The following TCF7L2 variants were observed in gnomAD, a reference collection of about 807,000 sequenced individuals.
The protein encoded by TCF7L2 is transcription factor 7-like 2.
TCF7L2 carries 23 observed loss-of-function variants against 77.9 expected under a neutral mutation model. The observed-to-expected ratio is 0.30, with a 90% CI of 0.21 to 0.42. The LOEUF is 0.42. Ranked by LOEUF, TCF7L2 falls within the 10% of genes least tolerant of loss-of-function variation. The pLI is 1.00. For synonymous variants in TCF7L2, 413 were observed against 340.2 expected (o/e 1.21, Z -2.36); for missense variants, 654 against 793.1 (o/e 0.82, Z 2.11).
chr10:112,963,475 AT>A (rs1448531350), intron 3 of TCF7L2, among the ~76,000 whole-genome samples: 7 of 152,222 alleles, frequency 4.6e-5, no homozygotes, highest in Non-Finnish European at 4.4e-5. Context: ...CTACAGATCC[AT>A]TTTTGGAAAT....
intron 3 of TCF7L2, among the ~76,000 whole-genome samples, chr10:112,963,943 G>A (rs757231310): frequency 1.3e-5 from 2 of 152,178 alleles, no homozygotes; most frequent in African/African-American, 2.4e-5. Context: ...GATTACTAGA[G>A]TGCAGGCGAC....
At chr10:113,134,458 G>C (rs2067097599) in intron 5 of TCF7L2, among the ~76,000 whole-genome samples, 1 of 152,208 alleles carries the variant, frequency 6.6e-6, no homozygotes, top group Non-Finnish European at 1.5e-5. Flanking sequence ...AACTGCTGGG[G>C]TCATAGGCTG....
chr10:113,156,226 T>G (rs2071864877), intron 11 of TCF7L2, among the ~76,000 whole-genome samples: 2 of 151,788 alleles, frequency 1.3e-5, no homozygotes, highest in African/African-American at 4.8e-5. Flanking sequence ...GTGATCCTCC[T>G]GTCTCAGCCT....
intron 5 of TCF7L2, among the ~76,000 whole-genome samples, chr10:113,114,043 A>G (rs1282982786): frequency 6.6e-6 from 1 of 152,136 alleles, no homozygotes; most frequent in East Asian, 1.9e-4. Context: ...TAATCCTGTG[A>G]GTTTTCAGAA....
intron 5 of TCF7L2, among the ~76,000 whole-genome samples, chr10:113,118,682 T>TA (rs2064278181): frequency 6.7e-6 from 1 of 149,198 alleles, no homozygotes; most frequent in Non-Finnish European, 1.5e-5. Context: ...TTTTTTGTTT[T>TA]TTTTATTTTA....
At chr10:112,970,069 A>G in intron 4 of TCF7L2, among the ~76,000 whole-genome samples, 1 of 152,222 alleles carries the variant, frequency 6.6e-6, no homozygotes, top group Non-Finnish European at 1.5e-5. Context: ...ATGTTTTAAC[A>G]CCAAGTCAGA....
chr10:113,146,645 T>G (rs1403260397), intron 8 of TCF7L2, among the ~76,000 whole-genome samples: 1 of 151,504 alleles, frequency 6.6e-6, no homozygotes. Context: ...AAAAAAAAGA[T>G]AAAGTTATTT....
intron 11 of TCF7L2, among the ~76,000 whole-genome samples, chr10:113,153,791 C>T (rs115099583): frequency 0.021 from 3,258 of 152,298 alleles, 113 homozygotes; most frequent in African/African-American, 0.075. Context: ...ACTTAGCATC[C>T]GCCAGGAAAT....
intron 5 of TCF7L2, among the ~76,000 whole-genome samples, chr10:113,092,390 G>C (rs1016740465): frequency 6.6e-6 from 1 of 152,190 alleles, no homozygotes; most frequent in African/African-American, 2.4e-5. Context: ...TCACATACAG[G>C]CTGTATGTAA....
intron 5 of TCF7L2, among the ~76,000 whole-genome samples, chr10:113,061,239 C>T (rs960717195): frequency 1.3e-5 from 2 of 152,012 alleles, no homozygotes; most frequent in African/African-American, 4.8e-5. Flanking sequence ...CATGGTCCCC[C>T]GTTGGTGAAG....
At chr10:113,021,841 A>G (rs1287488147) in intron 4 of TCF7L2, among the ~76,000 whole-genome samples, 1 of 152,168 alleles carries the variant, frequency 6.6e-6, no homozygotes, top group Non-Finnish European at 1.5e-5. Context: ...GGAGGAGGAA[A>G]TCCACACTGG....
chr10:113,000,203 G>A (rs185683371), intron 4 of TCF7L2, among the ~76,000 whole-genome samples: 3 of 152,288 alleles, frequency 2.0e-5, no homozygotes, highest in South Asian at 4.1e-4. Context: ...GATCTGAGAC[G>A]AGTCTCACTC....
chr10:113,129,351 A>G, intron 5 of TCF7L2: 2 of 987,924 alleles, frequency 2.0e-6, no homozygotes, highest in Non-Finnish European at 2.4e-6. Flanking sequence ...TCTTAGCGGC[A>G]GCTCTGTCCC....
In TCF7L2 at chr10:113,158,080, A is replaced by G. The variant is rs376374578; in HGVS notation, c.1318+11A>G. 1.8e-5 allele frequency: 29 copies of G among 1,593,566 alleles called. No individual in the cohort carries two copies. The highest frequency in any genetic ancestry group is 4.6e-5 in the South Asian group (4 of 87,600). ...CGGGAGAGACCAATGGTAAGTGACAATCATCAGGTTAGAGGAAGGAGCTGT... is the reference window on the plus strand; with the variant it reads ...CGGGAGAGACCAATGGTAAGTGACAGTCATCAGGTTAGAGGAAGGAGCTGT... On this transcript the variant is annotated intron_variant, in intron 12 of 13. Coordinates refer to ENST00000627217, the MANE Select transcript of TCF7L2 (RefSeq NM_001146274.2).
intron 13 of TCF7L2, among the ~76,000 whole-genome samples, chr10:113,162,982 G>A (rs2073419721): frequency 6.7e-6 from 1 of 149,352 alleles, no homozygotes; most frequent in Non-Finnish European, 1.5e-5. Context: ...CTGGCTTAAT[G>A]CTAAAACTCA....
intron 5 of TCF7L2, among the ~76,000 whole-genome samples, chr10:113,134,631 T>TG (rs1272440122): frequency 1.3e-5 from 2 of 152,264 alleles, no homozygotes; most frequent in African/African-American, 4.8e-5. Flanking sequence ...TCTTCAGTGA[T>TG]GTGAAACTTT....
chr10:113,147,935 C>T (rs568421098), intron 8 of TCF7L2, among the ~76,000 whole-genome samples: 36 of 152,060 alleles, frequency 2.4e-4, no homozygotes, highest in African/African-American at 8.4e-4. Flanking sequence ...GGCCGACTCC[C>T]CAGGTAGGCC....
intron 5 of TCF7L2, among the ~76,000 whole-genome samples, chr10:113,076,300 GCTAA>G (rs1297431338): frequency 1.3e-5 from 2 of 152,078 alleles, no homozygotes; most frequent in Non-Finnish European, 2.9e-5. Flanking sequence ...ACCATGCCTG[GCTAA>G]CTTTTTTATT....
intron 13 of TCF7L2, among the ~76,000 whole-genome samples, chr10:113,162,618 C>T (rs957388297): frequency 1.3e-5 from 2 of 152,214 alleles, no homozygotes; most frequent in African/African-American, 4.8e-5. Flanking sequence ...CTGCTGCAGA[C>T]GCTGAGCCCC....
Sources: gnomAD v4.1 joint callset for allele counts (sites outside exome capture counted in the v4.1 genomes callset) on GRCh38, gnomAD v4.1.1 for gene constraint, MANE v1.5 for transcripts, NCBI Gene and HGNC (gene_info 2026-07-23, HGNC 2026-07-21) for gene names.